Variants in SORCS3 observed in about 807,000 individuals in gnomAD.
SORCS3 encodes VPS10 domain-containing receptor SorCS3.
In SORCS3, 57 loss-of-function variants were observed where a neutral mutation model predicts 146.3. That is an observed-to-expected ratio of 0.39 (90% confidence interval 0.31 to 0.49). The LOEUF is 0.49. SORCS3 is among the 20% of genes least tolerant of loss of function. SORCS3 has a pLI of 0.92. For missense variants in SORCS3, 1,341 were observed against 1,575.5 expected (o/e 0.85, Z 2.52); for synonymous variants, 653 against 618.5 (o/e 1.06, Z -0.83).
chr10:104,931,238 G>A (rs1447055651), intron 3 of SORCS3, among the ~76,000 whole-genome samples: 2 of 152,172 alleles, frequency 1.3e-5, no homozygotes, highest in Non-Finnish European at 2.9e-5. Context: ...TGGAGATCAG[G>A]TGTCTGGCTT....
chr10:104,828,356 G>A (rs2017961415), intron 1 of SORCS3, among the ~76,000 whole-genome samples: 1 of 152,194 alleles, frequency 6.6e-6, no homozygotes, highest in Non-Finnish European at 1.5e-5. Context: ...ATGGGGGCAT[G>A]TGGGCTGAGG....
At chr10:104,758,746 T>C (rs574339677) in intron 1 of SORCS3, among the ~76,000 whole-genome samples, 48 of 152,260 alleles carry the variant, frequency 3.2e-4, no homozygotes, top group Non-Finnish European at 5.3e-4. Flanking sequence ...AGGAATGGGC[T>C]CACATCTCTC....
intron 5 of SORCS3, among the ~76,000 whole-genome samples, chr10:105,062,033 C>T (rs1412645539): frequency 6.6e-6 from 1 of 152,130 alleles, no homozygotes; most frequent in Non-Finnish European, 1.5e-5. Flanking sequence ...CAGGTGGCAT[C>T]CACCTTTGGA....
intron 7 of SORCS3, among the ~76,000 whole-genome samples, chr10:105,110,488 A>G (rs893204413): frequency 2.0e-5 from 3 of 151,838 alleles, no homozygotes; most frequent in Non-Finnish European, 4.4e-5. Context: ...CTTATTTTTT[A>G]ATGCTGTGAG....
chr10:104,688,376 G>T (rs754492079), intron 1 of SORCS3, among the ~76,000 whole-genome samples: 3 of 152,202 alleles, frequency 2.0e-5, no homozygotes, highest in African/African-American at 7.2e-5. Flanking sequence ...TTGGAGGGGG[G>T]GACCCAGCCG....
chr10:104,732,611 G>A (rs1311491306), intron 1 of SORCS3, among the ~76,000 whole-genome samples: 1 of 152,166 alleles, frequency 6.6e-6, no homozygotes, highest in Non-Finnish European at 1.5e-5. Flanking sequence ...CCTTAAATGG[G>A]ATGAGCCTCT....
chr10:104,897,254 A>G (rs2018807531), intron 2 of SORCS3, among the ~76,000 whole-genome samples: 1 of 152,240 alleles, frequency 6.6e-6, no homozygotes, highest in Non-Finnish European at 1.5e-5. Flanking sequence ...CCCTGTCCTC[A>G]TACAAAACAA....
intron 1 of SORCS3, among the ~76,000 whole-genome samples, chr10:104,724,695 AAAC>A (rs1284107527): frequency 6.6e-6 from 1 of 151,988 alleles, no homozygotes; most frequent in Non-Finnish European, 1.5e-5. Flanking sequence ...TTTTTTCTCT[AAAC>A]TTCTCTTCTT....
chr10:105,008,477 G>A (rs1282038681), intron 4 of SORCS3, among the ~76,000 whole-genome samples: 1 of 152,156 alleles, frequency 6.6e-6, no homozygotes, highest in Admixed American at 6.5e-5. Flanking sequence ...GCTTTAAGCT[G>A]TCGTTTGGTA....
At position 105,255,687 on chromosome 10, in the gene SORCS3, G is replaced by C. The variant is rs533634551; in HGVS notation, c.3238-15G>C. On this transcript the variant is annotated splice_polypyrimidine_tract_variant and intron_variant, in intron 23 of 26. Transcript: ENST00000369701. ...CATGTCATGTCACCCCATGCATCCT[G>C]TCTTATTTTTTCAGATTGTAGAAAC... 6.3e-7 allele frequency: 1 copy of C among 1,590,528 alleles called. No individual in the cohort carries two copies. Among genetic ancestry groups the C allele is most frequent in the South Asian group, 1.1e-5 (1 of 90,322 alleles).
chr10:105,049,243 C>T (rs1195870455), intron 5 of SORCS3, among the ~76,000 whole-genome samples: 4 of 152,064 alleles, frequency 2.6e-5, no homozygotes, highest in African/African-American at 4.8e-5. Context: ...AGCCAACACA[C>T]GAGTCTTCCT....
intron 16 of SORCS3, among the ~76,000 whole-genome samples, chr10:105,206,360 G>A (rs186429269): frequency 1.4e-3 from 218 of 152,114 alleles, no homozygotes; most frequent in Middle Eastern, 6.8e-3. Flanking sequence ...ACTAGTTAGG[G>A]GCTACCATAT....
chr10:104,907,983 C>A (rs149455492), intron 2 of SORCS3, among the ~76,000 whole-genome samples: 1 of 152,280 alleles, frequency 6.6e-6, no homozygotes, highest in East Asian at 1.9e-4. Flanking sequence ...GTGGAATAGG[C>A]CAGAGGGAAA....
chr10:105,217,888 C>G, intron 19 of SORCS3: 1 of 454,014 alleles, frequency 2.2e-6, no homozygotes, highest in South Asian at 1.6e-5. Flanking sequence ...GGATTGGTTT[C>G]CCACATGTGT....
intron 16 of SORCS3, 127 bp from the exon 17 acceptor site, chr10:105,211,010 G>T: frequency 1.7e-6 from 1 of 603,418 alleles, no homozygotes; most frequent in Non-Finnish European, 3.1e-6. Flanking sequence ...CCCTCACTGG[G>T]GATATTTAAA....
At chr10:104,818,871 A>G (rs74155042) in intron 1 of SORCS3, among the ~76,000 whole-genome samples, 2,012 of 152,098 alleles carry the variant, frequency 0.013, 47 homozygotes, top group African/African-American at 0.046. Context: ...CTAGCTAAGT[A>G]CGGCATGCAT....
chr10:104,774,011 G>C (rs1042073719), intron 1 of SORCS3, among the ~76,000 whole-genome samples: 3 of 152,156 alleles, frequency 2.0e-5, no homozygotes, highest in Admixed American at 6.5e-5. Context: ...CCTATCCTCT[G>C]TTCCTTCTGG....
intron 3 of SORCS3, among the ~76,000 whole-genome samples, chr10:104,932,515 A>G (rs1423026315): frequency 6.6e-6 from 1 of 152,162 alleles, no homozygotes; most frequent in African/African-American, 2.4e-5. Flanking sequence ...GATCTTGCCA[A>G]TCCTTACTCA....
At position 104,788,218 on chromosome 10, in the gene SORCS3, C is replaced by T. The variant is rs562638462; in HGVS notation, c.628-54574C>T. On this transcript the variant is annotated intron_variant, in intron 1 of 26. Coordinates refer to ENST00000369701, the MANE Select transcript of SORCS3 (RefSeq NM_014978.3). ...TGGTTGAGTTGAAAGAAAACTAAAA[C>T]GGAGCCAAAAGGCCATTTATTGTTG... Among the ~76,000 whole-genome samples the T allele has an allele frequency of 1.1e-4, 17 of 152,228 alleles. No homozygotes were observed. The South Asian group carries it at 1.2e-3, about 11-fold the overall frequency.
Sources: allele counts gnomAD v4.1 joint callset (sites outside exome capture counted in the v4.1 genomes callset), GRCh38; gene constraint gnomAD v4.1.1; transcripts MANE v1.5; gene names NCBI Gene and HGNC (gene_info 2026-07-23, HGNC 2026-07-21).